Variants in DCLK1 observed in about 807,000 individuals in gnomAD.
The protein encoded by DCLK1 is doublecortin like kinase 1.
DCLK1 carries 16 observed loss-of-function variants against 86.2 expected under a neutral mutation model. That is an observed-to-expected ratio of 0.19 (90% CI 0.13 to 0.28). DCLK1 has a LOEUF of 0.28. DCLK1 is among the 10% of genes least tolerant of loss of function. The pLI is 1.00. For synonymous variants in DCLK1, 369 were observed against 370.5 expected (o/e 1.00, Z 0.05); for missense variants, 590 against 940.2 (o/e 0.63, Z 4.87).
intron 3 of DCLK1, among the ~76,000 whole-genome samples, chr13:36,057,322 A>G (rs1883372567): frequency 6.6e-6 from 1 of 152,086 alleles, no homozygotes; most frequent in African/African-American, 2.4e-5. Flanking sequence ...ACTTCACCCC[A>G]ATCTCTACTT....
At chr13:35,786,174 C>T (rs1171850837) in intron 16 of DCLK1, among the ~76,000 whole-genome samples, 4 of 152,268 alleles carry the variant, frequency 2.6e-5, no homozygotes, top group East Asian at 1.9e-4. Context: ...TAGTTGGCTA[C>T]GTTTATTAAT....
At chr13:35,786,749 C>A (rs751113569) in intron 16 of DCLK1, among the ~76,000 whole-genome samples, 15 of 152,094 alleles carry the variant, frequency 9.9e-5, no homozygotes, top group Admixed American at 2.6e-4. Flanking sequence ...ATTAACTCAC[C>A]CTTCTCCCTC....
chr13:35,964,274 G>A (rs1343184), intron 3 of DCLK1, among the ~76,000 whole-genome samples: 22,294 of 152,068 alleles, frequency 0.15, 1,817 homozygotes, highest in East Asian at 0.22. Flanking sequence ...GCCGTGAAGT[G>A]CCAGGTTTGG....
chr13:35,812,916 C>A (rs2087178175), intron 11 of DCLK1, among the ~76,000 whole-genome samples: 1 of 152,190 alleles, frequency 6.6e-6, no homozygotes, highest in African/African-American at 2.4e-5. Flanking sequence ...AGCTGTCCAG[C>A]CTTGGTCACT....
intron 3 of DCLK1, among the ~76,000 whole-genome samples, chr13:35,952,658 A>T (rs1877762880): frequency 6.6e-6 from 1 of 152,210 alleles, no homozygotes; most frequent in South Asian, 2.1e-4. Context: ...TATGCAATTC[A>T]TAAGCCAGGT....
intron 9 of DCLK1, 88 bp downstream of exon 9, chr13:35,828,162 G>T: frequency 1.8e-6 from 2 of 1,113,068 alleles, no homozygotes; most frequent in South Asian, 2.7e-5. Flanking sequence ...AACCCTTAGG[G>T]TGAACTTGTA....
intron 3 of DCLK1, among the ~76,000 whole-genome samples, chr13:35,953,859 CAG>C (rs370155915): frequency 3.2e-4 from 48 of 152,292 alleles, no homozygotes; most frequent in African/African-American, 1.0e-3. Context: ...TCAAACGAAA[CAG>C]GGGATATCTC....
Position 36,128,697 on chromosome 13 carries a change from T to C in DCLK1, c.-20+2417A>G, listed in dbSNP as rs567291834. On this transcript the variant is annotated intron_variant, in intron 1 of 16. Coordinates refer to ENST00000360631, the MANE Select transcript of DCLK1 (RefSeq NM_001330071.2). Reference sequence around the variant, plus strand: ...CTTTTTTCCCTCCAAATATGAAAACTATTTCTTGCCTCTTAATAACTCATA... The same window carrying C: ...CTTTTTTCCCTCCAAATATGAAAACCATTTCTTGCCTCTTAATAACTCATA... Among the ~76,000 whole-genome samples, 5 of 152,366 alleles carry C rather than the reference T, an allele frequency of 3.3e-5. 1 individual carries two copies. The South Asian group carries it at 8.3e-4, about 25-fold the overall frequency.
chr13:35,855,812 T>G, intron 5 of DCLK1: 1 of 1,250,742 alleles, frequency 8.0e-7, no homozygotes. Flanking sequence ...CACCACTCCC[T>G]TCCGGAAGCC....
intron 3 of DCLK1, among the ~76,000 whole-genome samples, chr13:36,067,824 C>A (rs567107651): frequency 5.9e-5 from 9 of 152,230 alleles, no homozygotes; most frequent in Admixed American, 2.6e-4. Flanking sequence ...GCAGCATTTC[C>A]TGCAACACCC....
chr13:35,998,455 C>A (rs1436593164), intron 3 of DCLK1, among the ~76,000 whole-genome samples: 2 of 152,088 alleles, frequency 1.3e-5, no homozygotes, highest in Non-Finnish European at 1.5e-5. Flanking sequence ...AGCTCTTCTG[C>A]CTCTTCGGGT....
In DCLK1 at chr13:35,827,772, T is replaced by C. The variant is rs9574699; in HGVS notation, c.1288-18A>G. ...ATGTGCTCCTGTCCAAAGGAAAAGT[T>C]ATCTTCATCAGCTTCCATAAAACAT... On this transcript the variant is annotated intron_variant, in intron 9 of 16. Transcript: ENST00000360631. The C allele has an allele frequency of 0.36, 575,885 of 1,610,972 alleles. 105,644 individuals carry two copies. The highest frequency in any genetic ancestry group is 0.53 in the East Asian group (23,618 of 44,794).
At chr13:35,818,070 GCAGGATTGGGGC>G (rs1230183018) in intron 11 of DCLK1, among the ~76,000 whole-genome samples, 1 of 152,116 alleles carries the variant, frequency 6.6e-6, no homozygotes. Flanking sequence ...GATGAATAGG[GCAGGATTGGGGC>G]CAGACTCACA....
intron 3 of DCLK1, among the ~76,000 whole-genome samples, chr13:36,038,986 G>A (rs1255639360): frequency 6.6e-6 from 1 of 152,158 alleles, no homozygotes; most frequent in African/African-American, 2.4e-5. Flanking sequence ...ACAGCACCAT[G>A]TCCTATGACT....
intron 4 of DCLK1, among the ~76,000 whole-genome samples, chr13:35,914,350 CATATATATATATATATATGTAT>C (rs1875259779): frequency 2.1e-5 from 2 of 94,222 alleles, no homozygotes; most frequent in African/African-American, 9.7e-5. Context: ...TATATATATA[CATATATATATATATATATGTAT>C]ATATATATAT....
chr13:35,789,578 T>C (rs1039326917), intron 16 of DCLK1, among the ~76,000 whole-genome samples: 3 of 152,210 alleles, frequency 2.0e-5, no homozygotes, highest in Admixed American at 6.5e-5. Flanking sequence ...GTCACAATTA[T>C]ATGCATGCTG....
chr13:35,965,897 C>T (rs951065877), intron 3 of DCLK1, among the ~76,000 whole-genome samples: 2 of 152,172 alleles, frequency 1.3e-5, no homozygotes, highest in African/African-American at 4.8e-5. Flanking sequence ...CTGAACTTCT[C>T]ATTCCAAAGA....
At chr13:35,867,936 A>AGAAAGAAAGAAAGAAG in intron 5 of DCLK1, among the ~76,000 whole-genome samples, 1 of 146,812 alleles carries the variant, frequency 6.8e-6, no homozygotes, top group Admixed American at 6.7e-5. Flanking sequence ...AAAGAAAGAA[A>AGAAAGAAAGAAAGAAG]GAAAGAAAGA....
chr13:35,827,561 A>T, intron 10 of DCLK1, 74 bp downstream of exon 10: 1 of 1,554,218 alleles, frequency 6.4e-7, no homozygotes. Flanking sequence ...GGGAGAAAAT[A>T]AGGGAAAGAG....
Sources: allele counts gnomAD v4.1 joint callset (sites outside exome capture counted in the v4.1 genomes callset), GRCh38; gene constraint gnomAD v4.1.1; transcripts MANE v1.5; gene names NCBI Gene and HGNC (gene_info 2026-07-23, HGNC 2026-07-21).